Variants in GRB2 observed in about 807,000 individuals in gnomAD.
GRB2 encodes growth factor receptor bound protein 2.
In GRB2, 2 loss-of-function variants were observed where a neutral mutation model predicts 27.4. That is an observed-to-expected ratio of 0.07 (90% CI 0.03 to 0.23). The LOEUF (loss-of-function observed/expected upper bound fraction) is 0.23. GRB2 is among the 10% of genes least tolerant of loss of function. The pLI, the probability that GRB2 is intolerant of heterozygous loss-of-function variation, is 1.00. For synonymous variants in GRB2, 94 were observed against 99.6 expected (o/e 0.94, Z 0.33); for missense variants, 102 against 282.4 (o/e 0.36, Z 4.58).
At chr17:75,343,849 G>C (rs1413332782) in intron 2 of GRB2, among the ~76,000 whole-genome samples, 1 of 152,174 alleles carries the variant, frequency 6.6e-6, no homozygotes, top group Non-Finnish European at 1.5e-5. Context: ...GAGGAAGGGA[G>C]GGGGCAGGAA....
At chr17:75,381,668 C>T (rs2078928859) in intron 2 of GRB2, among the ~76,000 whole-genome samples, 1 of 141,632 alleles carries the variant, frequency 7.1e-6, no homozygotes. Flanking sequence ...TTGCAATGAG[C>T]TGAGATCACG....
chr17:75,341,501 C>T (rs1339605182), intron 2 of GRB2, among the ~76,000 whole-genome samples: 1 of 145,798 alleles, frequency 6.9e-6, no homozygotes, highest in Non-Finnish European at 1.5e-5. Context: ...ATTTGTTAGT[C>T]AGGTATACCT....
chr17:75,393,759 T>C lies in GRB2; in HGVS notation c.-131A>G. The C allele has an allele frequency of 1.4e-6, 1 of 692,374 alleles. No individual in the cohort carries two copies. The highest frequency in any genetic ancestry group is 2.5e-5 in the East Asian group (1 of 39,494). The allele number at this position is 692,374 out of a possible 1,614,324, so 42.9% of individuals were successfully genotyped here. A position where few individuals can be genotyped will look rare whatever the true frequency, so the allele number is the denominator to read the frequency against. ...CGCTCCGGCACTCTGGGACACACAA[T>C]GCCACCCTGAAGCAGGAGAGGGACG... On this transcript the variant is annotated 5_prime_UTR_variant, in exon 2 of 6. Transcript: ENST00000316804.
At chr17:75,336,337 G>A (rs1196303153) in intron 2 of GRB2, among the ~76,000 whole-genome samples, 1 of 152,136 alleles carries the variant, frequency 6.6e-6, no homozygotes, top group Non-Finnish European at 1.5e-5. Flanking sequence ...AAATGGTGAG[G>A]TGTGTCTACT....
chr17:75,354,610 T>C (rs1408824319), intron 2 of GRB2, among the ~76,000 whole-genome samples: 1 of 152,076 alleles, frequency 6.6e-6, no homozygotes, highest in Admixed American at 6.6e-5. Context: ...CCCACTTCCA[T>C]GGAAAAATTG....
chr17:75,389,105 T>G (rs1878549553), intron 2 of GRB2, among the ~76,000 whole-genome samples: 1 of 152,132 alleles, frequency 6.6e-6, no homozygotes, highest in Non-Finnish European at 1.5e-5. Flanking sequence ...CACAATGCTC[T>G]TCATCGCTAA....
At chr17:75,324,519 TTTTTTTTTTTTTTTTTG>T (rs2078484660) in intron 4 of GRB2, among the ~76,000 whole-genome samples, 2 of 80,170 alleles carry the variant, frequency 2.5e-5, no homozygotes, top group Non-Finnish European at 5.7e-5. Flanking sequence ...TTTTTTTTTT[TTTTTTTTTTTTTTTTTG>T]GAGACAGAGT....
rs767104755 is a variant in GRB2 at position 75,393,652 on chromosome 17, C to G, written c.-24G>C. 1 of 1,590,770 alleles carries G rather than the reference C, an allele frequency of 6.3e-7. No individual in the cohort carries two copies. Among genetic ancestry groups the G allele is most frequent in the Admixed American group, 1.7e-5 (1 of 59,994 alleles). ...ATTCTGAGCGCTGCTCAGTGCTCAG[C>G]AGCCTGAAGCAGGGGGAAGGGAGTC... is the stretch of plus-strand genomic sequence containing the variant. On this transcript the variant is annotated 5_prime_UTR_variant, in exon 2 of 6. Coordinates refer to ENST00000316804, the MANE Select transcript of GRB2 (RefSeq NM_002086.5).
At chr17:75,359,821 A>C (rs2078767511) in intron 2 of GRB2, among the ~76,000 whole-genome samples, 1 of 152,150 alleles carries the variant, frequency 6.6e-6, no homozygotes, top group East Asian at 1.9e-4. Context: ...TACCTGTCTC[A>C]ATATACTCTT....
At chr17:75,375,954 G>A (rs1167980929) in intron 2 of GRB2, among the ~76,000 whole-genome samples, 2 of 150,766 alleles carry the variant, frequency 1.3e-5, no homozygotes, top group African/African-American at 4.9e-5. Flanking sequence ...GAACCCAGGA[G>A]GCAGAGGTTG....
At chr17:75,336,693 C>G (rs1435370130) in intron 2 of GRB2, among the ~76,000 whole-genome samples, 1 of 152,120 alleles carries the variant, frequency 6.6e-6, no homozygotes, top group Non-Finnish European at 1.5e-5. Context: ...TGTTTTTCTC[C>G]CCCAGAAAGA....
chr17:75,377,341 C>T (rs916120763), intron 2 of GRB2, among the ~76,000 whole-genome samples: 3 of 151,690 alleles, frequency 2.0e-5, no homozygotes, highest in Non-Finnish European at 4.4e-5. Flanking sequence ...CAAAAAGTGG[C>T]CAGGCAGAGT....
At chr17:75,345,354 GTTTA>G (rs1339703587) in intron 2 of GRB2, among the ~76,000 whole-genome samples, 2 of 152,198 alleles carry the variant, frequency 1.3e-5, no homozygotes, top group East Asian at 3.9e-4. Flanking sequence ...CGACAACAGA[GTTTA>G]TTTAATTCCA....
intron 1 of GRB2, among the ~76,000 whole-genome samples, chr17:75,396,478 T>C (rs2079030003): frequency 6.6e-6 from 1 of 152,140 alleles, no homozygotes; most frequent in Non-Finnish European, 1.5e-5. Context: ...AGTGTTGAAT[T>C]TGCATGGTCT....
intron 2 of GRB2, among the ~76,000 whole-genome samples, chr17:75,333,984 G>A (rs1283113746): frequency 6.6e-6 from 1 of 152,108 alleles, no homozygotes; most frequent in East Asian, 1.9e-4. Context: ...GCATGTACCA[G>A]GCCATGCATA....
chr17:75,348,594 A>G (rs1314227759), intron 2 of GRB2, among the ~76,000 whole-genome samples: 1 of 152,230 alleles, frequency 6.6e-6, no homozygotes, highest in Non-Finnish European at 1.5e-5. Context: ...GTGTGTAAAT[A>G]AAGAGGAAAT....
At chr17:75,331,501 G>T (rs1432695278) in intron 3 of GRB2, among the ~76,000 whole-genome samples, 1 of 152,148 alleles carries the variant, frequency 6.6e-6, no homozygotes, top group Non-Finnish European at 1.5e-5. Flanking sequence ...TAAGAATTTC[G>T]AGCCACAGGC....
chr17:75,378,163 G>A (rs917363890), intron 2 of GRB2, among the ~76,000 whole-genome samples: 5 of 152,098 alleles, frequency 3.3e-5, no homozygotes, highest in Non-Finnish European at 7.4e-5. Context: ...AGGTGGGGGG[G>A]AGGATCACCT....
intron 1 of GRB2, among the ~76,000 whole-genome samples, chr17:75,396,017 T>C (rs1315897384): frequency 6.6e-6 from 1 of 152,038 alleles, no homozygotes; most frequent in African/African-American, 2.4e-5. Flanking sequence ...TTTATATTTT[T>C]AGTAGAGACG....
Sources: allele counts gnomAD v4.1 joint callset (sites outside exome capture counted in the v4.1 genomes callset), GRCh38; gene constraint gnomAD v4.1.1; transcripts MANE v1.5; gene names NCBI Gene and HGNC (gene_info 2026-07-23, HGNC 2026-07-21).